MACROD2: variants seen among roughly 807,000 people sequenced by gnomAD.
MACROD2 encodes ADP-ribose glycohydrolase MACROD2.
MACROD2 carries 36 observed loss-of-function variants against 70.4 expected under a neutral mutation model. The ratio of observed to expected loss-of-function variants is 0.51; its 90% CI spans 0.39 to 0.68. MACROD2 has a LOEUF of 0.68. Ranked by LOEUF, MACROD2 falls within the 30% of genes least tolerant of loss-of-function variation. The probability of loss-of-function intolerance (pLI) is 0.00; values close to 1 mark genes in which losing one functional copy is unlikely to be tolerated. For missense variants in MACROD2, 496 were observed against 538.4 expected, an observed-to-expected ratio of 0.92 and a Z score of 0.78; for synonymous variants, 172 against 178.8, an observed-to-expected ratio of 0.96 and a Z score of 0.30.
At chr20:15,868,587 T>C (rs549106965) in intron 9 of MACROD2, among the ~76,000 whole-genome samples, 35 of 146,084 alleles carry the variant, frequency 2.4e-4, no homozygotes, top group Non-Finnish European at 4.5e-4. Flanking sequence ...TCATTGCTTC[T>C]TGGGCTAATA....
intron 8 of MACROD2, among the ~76,000 whole-genome samples, chr20:15,855,252 A>G (rs145606189): frequency 6.6e-6 from 1 of 152,208 alleles, no homozygotes; most frequent in Non-Finnish European, 1.5e-5. Flanking sequence ...GGGCCAGTGG[A>G]TATGATGCTG....
At chr20:15,933,381 G>C in intron 11 of MACROD2, 43 bp downstream of exon 11, 1 of 1,564,366 alleles carries the variant, frequency 6.4e-7, no homozygotes, top group Non-Finnish European at 8.8e-7. Context: ...GGCCTCATCT[G>C]CAGAGGTGAA....
intron 6 of MACROD2, among the ~76,000 whole-genome samples, chr20:15,358,623 A>T (rs956831364): frequency 3.9e-5 from 6 of 152,302 alleles, no homozygotes; most frequent in African/African-American, 1.4e-4. Flanking sequence ...CTTAAAAGTT[A>T]TCTTAGCTTG....
chr20:14,355,183 G>A (rs1470412089), intron 3 of MACROD2, among the ~76,000 whole-genome samples: 1 of 152,158 alleles, frequency 6.6e-6, no homozygotes, highest in Non-Finnish European at 1.5e-5. Context: ...CCTCCAAACT[G>A]CTTTCCACAG....
chr20:14,925,029 T>C (rs1010889916), intron 5 of MACROD2, among the ~76,000 whole-genome samples: 1 of 151,302 alleles, frequency 6.6e-6, no homozygotes, highest in Admixed American at 6.6e-5. Flanking sequence ...TTTTTTTTTC[T>C]TATTCACTTC....
intron 5 of MACROD2, among the ~76,000 whole-genome samples, chr20:14,968,227 A>G (rs1192530023): frequency 6.6e-6 from 1 of 152,166 alleles, no homozygotes; most frequent in Non-Finnish European, 1.5e-5. Context: ...ATCTCTTTTT[A>G]ACACCTTGAC....
At chr20:14,964,517 G>C (rs529455378) in intron 5 of MACROD2, among the ~76,000 whole-genome samples, 2 of 151,900 alleles carry the variant, frequency 1.3e-5, no homozygotes, top group African/African-American at 2.4e-5. Flanking sequence ...AGCTTGCAGT[G>C]AGCCGAGATC....
intron 6 of MACROD2, among the ~76,000 whole-genome samples, chr20:15,261,892 T>C (rs1214177514): frequency 6.6e-6 from 1 of 151,930 alleles, no homozygotes; most frequent in Non-Finnish European, 1.5e-5. Flanking sequence ...TTTTATTTTT[T>C]TCTTAACATT....
At chr20:15,680,286 A>G (rs2050143369) in intron 8 of MACROD2, among the ~76,000 whole-genome samples, 1 of 152,196 alleles carries the variant, frequency 6.6e-6, no homozygotes, top group Admixed American at 6.5e-5. Flanking sequence ...CAAGAAACAG[A>G]AATAAAGTAT....
At chr20:14,848,753 C>T (rs992389472) in intron 5 of MACROD2, among the ~76,000 whole-genome samples, 2 of 152,016 alleles carry the variant, frequency 1.3e-5, no homozygotes, top group African/African-American at 4.8e-5. Context: ...CTGACAATCC[C>T]CTTTTTAAAA....
intron 8 of MACROD2, among the ~76,000 whole-genome samples, chr20:15,619,210 A>G (rs1009686180): frequency 2.6e-5 from 4 of 152,186 alleles, no homozygotes; most frequent in Non-Finnish European, 5.9e-5. Context: ...TGTTAGTCCT[A>G]CAAAGGCATT....
chr20:15,506,198 A>T (rs991108141), intron 8 of MACROD2, among the ~76,000 whole-genome samples: 1 of 152,042 alleles, frequency 6.6e-6, no homozygotes, highest in Non-Finnish European at 1.5e-5. Flanking sequence ...TTCATCCTTG[A>T]TGTCCTTTGG....
chr20:14,257,729 G>A (rs2082069247), intron 3 of MACROD2, among the ~76,000 whole-genome samples: 1 of 152,182 alleles, frequency 6.6e-6, no homozygotes, highest in African/African-American at 2.4e-5. Flanking sequence ...AAATCAACTT[G>A]CCTGTCCTTT....
At chr20:14,859,976 A>G (rs533459933) in intron 5 of MACROD2, among the ~76,000 whole-genome samples, 78 of 152,274 alleles carry the variant, frequency 5.1e-4, no homozygotes, top group African/African-American at 1.8e-3. Context: ...AGCAGCTCAG[A>G]GGCAAATCCA....
chr20:14,162,398 G>A (rs559168403), intron 3 of MACROD2, among the ~76,000 whole-genome samples: 1 of 152,102 alleles, frequency 6.6e-6, no homozygotes, highest in African/African-American at 2.4e-5. Context: ...GGTCTAATAT[G>A]CACTTTAAAT....
chr20:15,094,193 G>A (rs1336501484), intron 5 of MACROD2, among the ~76,000 whole-genome samples: 1 of 152,026 alleles, frequency 6.6e-6, no homozygotes, highest in Non-Finnish European at 1.5e-5. Flanking sequence ...CCTCTTATTT[G>A]CCTTCTATGT....
At chr20:15,812,228 C>T (rs2063828750) in intron 8 of MACROD2, among the ~76,000 whole-genome samples, 1 of 152,168 alleles carries the variant, frequency 6.6e-6, no homozygotes, top group Non-Finnish European at 1.5e-5. Context: ...AGGTGGGCTT[C>T]CAGCAAATGC....
intron 5 of MACROD2, among the ~76,000 whole-genome samples, chr20:14,787,451 A>G (rs755304780): frequency 6.6e-6 from 1 of 152,126 alleles, no homozygotes; most frequent in Non-Finnish European, 1.5e-5. Context: ...GAGATGTAAT[A>G]TGAAGTCAGA....
At chr20:14,704,315 G>C (rs1196936740) in intron 5 of MACROD2, among the ~76,000 whole-genome samples, 1 of 151,958 alleles carries the variant, frequency 6.6e-6, no homozygotes, top group African/African-American at 2.4e-5. Context: ...GGCTGTAATG[G>C]GCCCTTGATT....
Sources: allele counts gnomAD v4.1 joint callset (sites outside exome capture counted in the v4.1 genomes callset), GRCh38; gene constraint gnomAD v4.1.1; transcripts MANE v1.5; gene names NCBI Gene and HGNC (gene_info 2026-07-23, HGNC 2026-07-21).